DOCK4: variants seen among roughly 807,000 people sequenced by gnomAD.
The protein encoded by DOCK4 is dedicator of cytokinesis protein 4.
DOCK4 carries 97 observed loss-of-function variants against 268.1 expected under a neutral mutation model. That is an observed-to-expected ratio of 0.36 (90% confidence interval 0.31 to 0.43). The LOEUF (loss-of-function observed/expected upper bound fraction) is 0.43, where lower values mean the gene tolerates loss of function less well. Ranked by LOEUF, DOCK4 falls within the 20% of genes least tolerant of loss-of-function variation. The pLI is 1.00. For missense variants in DOCK4, 2,145 were observed against 2,455.7 expected, an observed-to-expected ratio of 0.87 and a Z score of 2.67; for synonymous variants, 954 against 887.2, an observed-to-expected ratio of 1.08 and a Z score of -1.34.
chr7:111,872,021 C>T lies in DOCK4; in HGVS notation c.1996G>A (p.Glu666Lys). 6.4e-7 allele frequency: 1 copy of T among 1,559,100 alleles called. No individual in the cohort carries two copies. The highest frequency in any genetic ancestry group is 1.7e-4 in the Middle Eastern group (1 of 5,994). The change falls in exon 20 of 53, where the codon GAG (glutamate) becomes AAG (lysine). Residue 666 changes from glutamate to lysine, a missense_variant. By Grantham distance (56) the Glu-to-Lys change is moderately conservative. Around this residue, in one of 2 missense-constraint regions of DOCK4, gnomAD observed 1,598 missense variants for 1,986.7 expected, o/e 0.80. Transcript: ENST00000428084. ...GCAAGTGCCCCAGCAAAATGACTCT[C>T]AATGTAAGTGTCCATTACAGGTTTA... ...HFKPVMDTYI[E>K]SHFAGALAYR...
At chr7:111,802,915 A>C (rs56190575) in intron 30 of DOCK4, among the ~76,000 whole-genome samples, 10,542 of 152,202 alleles carry the variant, frequency 0.069, 1,229 homozygotes, top group African/African-American at 0.24. Context: ...CATTGTTATC[A>C]GTCTACTTGT....
chr7:111,934,236 G>C (rs1373539984), intron 12 of DOCK4, among the ~76,000 whole-genome samples: 4 of 152,134 alleles, frequency 2.6e-5, no homozygotes, highest in Admixed American at 2.6e-4. Context: ...TTTGTCTACT[G>C]ACCAAACCTA....
chr7:112,022,415 G>A (rs977554378), intron 1 of DOCK4, among the ~76,000 whole-genome samples: 5 of 152,212 alleles, frequency 3.3e-5, no homozygotes, highest in Admixed American at 2.0e-4. Flanking sequence ...CCCCTGACCA[G>A]CTGATGGCTG....
chr7:111,905,603 T>C (rs1791494607), intron 13 of DOCK4, among the ~76,000 whole-genome samples: 1 of 152,210 alleles, frequency 6.6e-6, no homozygotes, highest in South Asian at 2.1e-4. Flanking sequence ...GGATAAAGGA[T>C]ACAGCGCATG....
At chr7:111,765,376 G>A (rs1797703726) in intron 38 of DOCK4, among the ~76,000 whole-genome samples, 154 bp from the exon 39 acceptor site, 1 of 152,020 alleles carries the variant, frequency 6.6e-6, no homozygotes, top group African/African-American at 2.4e-5. Context: ...GCTTTAAGTC[G>A]GGGATTGGCA....
intron 8 of DOCK4, among the ~76,000 whole-genome samples, chr7:111,973,067 T>C (rs889427442): frequency 6.6e-6 from 1 of 150,740 alleles, no homozygotes; most frequent in African/African-American, 2.4e-5. Flanking sequence ...CCTGAGTTTC[T>C]TCACTTAGAA....
chr7:112,070,976 C>T (rs1807532524), intron 1 of DOCK4, among the ~76,000 whole-genome samples: 1 of 152,090 alleles, frequency 6.6e-6, no homozygotes, highest in Non-Finnish European at 1.5e-5. Context: ...CCTCTTTCTA[C>T]CTAAAAAGCA....
intron 1 of DOCK4, among the ~76,000 whole-genome samples, chr7:112,195,257 C>G (rs1325869501): frequency 1.3e-5 from 2 of 152,108 alleles, no homozygotes; most frequent in Non-Finnish European, 2.9e-5. Context: ...CCAGCCTGGG[C>G]AACAGAATGA....
At chr7:112,172,722 G>A (rs1818188157) in intron 1 of DOCK4, among the ~76,000 whole-genome samples, 1 of 152,168 alleles carries the variant, frequency 6.6e-6, no homozygotes, top group Non-Finnish European at 1.5e-5. Flanking sequence ...ATATAATCCT[G>A]TTACTGTAAG....
chr7:111,741,228 A>T lies in DOCK4; in HGVS notation c.4920-14T>A, dbSNP rs200784560. On this transcript the variant is annotated splice_polypyrimidine_tract_variant and intron_variant, in intron 46 of 52. Coordinates refer to ENST00000428084, the MANE Select transcript of DOCK4 (RefSeq NM_001363540.2). ...TAACTTAACGGGCTGTTTCAGGGGG[A>T]AAAAAAAGGTCATTAACTCAGTCTC... 1 of 1,605,516 alleles carries T rather than the reference A, an allele frequency of 6.2e-7. No homozygotes were observed. Among genetic ancestry groups the T allele is most frequent in the African/African-American group, 1.3e-5 (1 of 74,422 alleles).
chr7:111,944,756 G>T, intron 10 of DOCK4, 55 bp downstream of exon 10: 2 of 1,485,152 alleles, frequency 1.3e-6, no homozygotes, highest in Non-Finnish European at 1.9e-6. Context: ...GAAACCTCTT[G>T]GCATTTCTCC....
chr7:112,124,177 A>G (rs951751686), intron 1 of DOCK4, among the ~76,000 whole-genome samples: 1 of 152,028 alleles, frequency 6.6e-6, no homozygotes, highest in Non-Finnish European at 1.5e-5. Context: ...ATACTGCATC[A>G]CCACACTCGA....
chr7:112,108,276 T>G (rs1811312037), intron 1 of DOCK4, among the ~76,000 whole-genome samples: 1 of 152,166 alleles, frequency 6.6e-6, no homozygotes, highest in Non-Finnish European at 1.5e-5. Context: ...AATTCTAAAT[T>G]TATATTCTTT....
At chr7:111,739,558 A>C (rs1795752837) in intron 47 of DOCK4, 81 bp from the exon 48 acceptor site, 5 of 1,270,284 alleles carry the variant, frequency 3.9e-6, no homozygotes, top group Non-Finnish European at 5.5e-6. Flanking sequence ...AAAATCATCA[A>C]CTTTTTTTCA....
chr7:112,118,022 C>T (rs1029940020), intron 1 of DOCK4, among the ~76,000 whole-genome samples: 2 of 152,078 alleles, frequency 1.3e-5, no homozygotes, highest in Non-Finnish European at 2.9e-5. Flanking sequence ...AATCCATGCA[C>T]GATTTTCTAC....
Position 111,901,758 on chromosome 7 carries a change from T to G in DOCK4, c.1236A>C (p.Glu412Asp). 6.2e-7 allele frequency: 1 copy of G among 1,605,000 alleles called. No homozygotes were observed. The highest frequency in any genetic ancestry group is 8.5e-7 in the Non-Finnish European group (1 of 1,172,424). ...NDLYITIERG[E>D]FEKGGKSVAR... Reference sequence around the variant, plus strand: ...CCACGCTCTTCCCTCCTTTCTCAAATTCTCCCCTTTCAATAGTGATATATA... The same window carrying G: ...CCACGCTCTTCCCTCCTTTCTCAAAGTCTCCCCTTTCAATAGTGATATATA... The change falls in exon 14 of 53, where the codon GAA (glutamate) becomes GAC (aspartate). Residue 412 changes from glutamate to aspartate, a missense_variant. By Grantham distance (45) the Glu-to-Asp change is conservative. Transcript: ENST00000428084.
intron 5 of DOCK4, among the ~76,000 whole-genome samples, chr7:111,989,470 G>A (rs748742013): frequency 3.3e-5 from 5 of 151,994 alleles, no homozygotes; most frequent in African/African-American, 7.3e-5. Flanking sequence ...AAGAAGACTC[G>A]GCTTGACTTC....
intron 1 of DOCK4, among the ~76,000 whole-genome samples, chr7:112,109,813 C>T (rs919852047): frequency 2.0e-5 from 3 of 147,532 alleles, no homozygotes; most frequent in East Asian, 2.0e-4. Context: ...GGCGGGATCT[C>T]GGCTCACTGC....
chr7:111,794,950 T>C (rs1799788685), intron 30 of DOCK4, among the ~76,000 whole-genome samples: 1 of 152,188 alleles, frequency 6.6e-6, no homozygotes, highest in South Asian at 2.1e-4. Flanking sequence ...GGATTTCCAA[T>C]TTCTCCTCTT....
Sources: allele counts gnomAD v4.1 joint callset (sites outside exome capture counted in the v4.1 genomes callset), GRCh38; gene constraint gnomAD v4.1.1; regional missense constraint gnomAD v4.1.1; transcripts MANE v1.5; gene names NCBI Gene and HGNC (gene_info 2026-07-23, HGNC 2026-07-21).